Variants in ADAMTS17 observed in about 807,000 individuals in gnomAD.
ADAMTS17 encodes the protein A disintegrin and metalloproteinase with thrombospondin motifs 17.
In ADAMTS17, 113 loss-of-function variants were observed where a neutral mutation model predicts 141.5. The ratio of observed to expected loss-of-function variants is 0.80; its 90% CI spans 0.69 to 0.93. ADAMTS17 has a LOEUF of 0.93. Ranked by LOEUF, ADAMTS17 falls within the 40% of genes least tolerant of loss-of-function variation. ADAMTS17 has a pLI of 0.00. For synonymous variants in ADAMTS17, 768 were observed against 630.6 expected, an observed-to-expected ratio of 1.22 and a Z score of -3.27; for missense variants, 1,659 against 1,517.9, an observed-to-expected ratio of 1.09 and a Z score of -1.54.
At chr15:100,232,728 G>C (rs1196272201) in intron 7 of ADAMTS17, among the ~76,000 whole-genome samples, 1 of 152,200 alleles carries the variant, frequency 6.6e-6, no homozygotes, top group Non-Finnish European at 1.5e-5. Context: ...GGAGTGACTT[G>C]GCCATTTGGC....
chr15:100,197,060 T>C (rs1434376138), intron 8 of ADAMTS17, among the ~76,000 whole-genome samples: 3 of 152,226 alleles, frequency 2.0e-5, no homozygotes, highest in Non-Finnish European at 4.4e-5. Context: ...CTAAAGTGTG[T>C]TTGAATCTAA....
At chr15:100,067,249 C>T (rs2033606437) in intron 15 of ADAMTS17, among the ~76,000 whole-genome samples, 1 of 151,674 alleles carries the variant, frequency 6.6e-6, no homozygotes, top group Non-Finnish European at 1.5e-5. Context: ...AGTGTCGTTC[C>T]TTTCTAAGTG....
intron 8 of ADAMTS17, among the ~76,000 whole-genome samples, chr15:100,168,158 C>T (rs1031461821): frequency 1.3e-5 from 2 of 152,192 alleles, no homozygotes; most frequent in Non-Finnish European, 2.9e-5. Flanking sequence ...AGGGAGGGCT[C>T]CGAGGATGCA....
chr15:100,267,681 G>A (rs1404776091), intron 4 of ADAMTS17, among the ~76,000 whole-genome samples: 1 of 117,304 alleles, frequency 8.5e-6, no homozygotes, highest in Non-Finnish European at 2.0e-5. Context: ...CCCCCTCCCT[G>A]TCTCCCTTCT....
intron 8 of ADAMTS17, among the ~76,000 whole-genome samples, chr15:100,182,586 C>A (rs545065993): frequency 6.6e-6 from 1 of 152,150 alleles, no homozygotes; most frequent in Non-Finnish European, 1.5e-5. Flanking sequence ...TCTTTCCTAC[C>A]GACTTCAATG....
chr15:100,111,685 G>T (rs1161029842), intron 13 of ADAMTS17, among the ~76,000 whole-genome samples: 2 of 152,254 alleles, frequency 1.3e-5, no homozygotes, highest in African/African-American at 4.8e-5. Flanking sequence ...AGTACTGGGA[G>T]TAATTGAGCT....
chr15:100,303,584 T>C (rs2045118520), intron 3 of ADAMTS17, among the ~76,000 whole-genome samples: 1 of 152,188 alleles, frequency 6.6e-6, no homozygotes, highest in Non-Finnish European at 1.5e-5. Context: ...AAGACTCTGA[T>C]AGTTTTAGCT....
Position 100,341,125 on chromosome 15 carries a change from C to CG in ADAMTS17, c.363dup (p.Ala122ArgfsTer72). On this transcript the variant is annotated frameshift_variant, in exon 2 of 22. Transcript: ENST00000268070. LOFTEE classifies it high-confidence loss of function. ...CGGCCCGAGTAGAAGCACAGCTCGG[C>CG]GGGGCGGCCGCGGCGCCGGGCCGCG... 1 of 1,438,970 alleles carries CG rather than the reference C, an allele frequency of 6.9e-7. No homozygotes were observed. Among genetic ancestry groups the CG allele is most frequent in the Non-Finnish European group, 9.1e-7 (1 of 1,104,914 alleles). 89.1% of individuals were successfully genotyped at this position (1,438,970 alleles called of 1,614,324 possible).
chr15:100,341,711 C>T, intron 1 of ADAMTS17, 110 bp downstream of exon 1: 2 of 1,362,452 alleles, frequency 1.5e-6, no homozygotes, highest in South Asian at 1.5e-5. Context: ...TCCGCTCGGG[C>T]GCCGTCAGCG....
At chr15:100,137,200 C>T (rs1013233024) in intron 10 of ADAMTS17, among the ~76,000 whole-genome samples, 1 of 152,062 alleles carries the variant, frequency 6.6e-6, no homozygotes, top group African/African-American at 2.4e-5. Context: ...TTGAAACCAA[C>T]GTAGGAATGG....
At chr15:100,275,164 CA>C (rs1355361768) in intron 4 of ADAMTS17, among the ~76,000 whole-genome samples, 1 of 152,160 alleles carries the variant, frequency 6.6e-6, no homozygotes, top group Non-Finnish European at 1.5e-5. Context: ...ACTCGTTCCA[CA>C]AGGCACGTAA....
At chr15:100,251,218 C>T (rs1299776575) in intron 7 of ADAMTS17, among the ~76,000 whole-genome samples, 1 of 152,194 alleles carries the variant, frequency 6.6e-6, no homozygotes, top group East Asian at 1.9e-4. Context: ...AGAACAGTGA[C>T]TCCACCCAGT....
At chr15:100,007,411 A>G (rs1424305096) in intron 18 of ADAMTS17, among the ~76,000 whole-genome samples, 3 of 141,212 alleles carry the variant, frequency 2.1e-5, no homozygotes, top group African/African-American at 4.9e-5. Context: ...ATGCCTTGGT[A>G]GAAGACTTTT....
intron 4 of ADAMTS17, among the ~76,000 whole-genome samples, chr15:100,263,239 C>G (rs768265046): frequency 2.0e-5 from 3 of 152,126 alleles, no homozygotes; most frequent in Non-Finnish European, 4.4e-5. Context: ...TTGCCACACC[C>G]CACCAAGGCT....
At chr15:100,011,095 T>G (rs2061158528) in intron 18 of ADAMTS17, among the ~76,000 whole-genome samples, 1 of 151,348 alleles carries the variant, frequency 6.6e-6, no homozygotes, top group African/African-American at 2.4e-5. Flanking sequence ...GAGAAACCAC[T>G]TTCAGCCTTA....
At chr15:100,004,465 G>T (rs766325868) in intron 18 of ADAMTS17, among the ~76,000 whole-genome samples, 1 of 152,130 alleles carries the variant, frequency 6.6e-6, no homozygotes, top group Non-Finnish European at 1.5e-5. Context: ...AGTAATTTGG[G>T]AAAGGAACTG....
chr15:100,235,094 C>T (rs995252644), intron 7 of ADAMTS17, among the ~76,000 whole-genome samples: 1 of 152,070 alleles, frequency 6.6e-6, no homozygotes, highest in Non-Finnish European at 1.5e-5. Flanking sequence ...CTCAGCGATT[C>T]GAGAACAGGA....
At chr15:100,199,220 T>C (rs989128047) in intron 8 of ADAMTS17, 98 bp downstream of exon 8, 27 of 1,172,026 alleles carry the variant, frequency 2.3e-5, no homozygotes, top group South Asian at 1.8e-4. Flanking sequence ...AGCAAAGGCA[T>C]AGAGCAGCAC....
intron 14 of ADAMTS17, among the ~76,000 whole-genome samples, chr15:100,103,506 T>C (rs554335114): frequency 7.2e-4 from 109 of 152,306 alleles, no homozygotes; most frequent in African/African-American, 2.2e-3. Context: ...AAGTCGTCCA[T>C]TGAAATGGGC....
Sources: gnomAD v4.1 joint callset for allele counts (sites outside exome capture counted in the v4.1 genomes callset) on GRCh38, gnomAD v4.1.1 for gene constraint, MANE v1.5 for transcripts, NCBI Gene and HGNC (gene_info 2026-07-23, HGNC 2026-07-21) for gene names.